Variants in ZKSCAN1 observed in about 807,000 individuals in gnomAD.
ZKSCAN1 encodes zinc finger with KRAB and SCAN domains 1, also known as zinc finger protein with KRAB and SCAN domains 1.
A neutral mutation model predicts 51.6 loss-of-function variants in ZKSCAN1; 14 were observed. That is an observed-to-expected ratio of 0.27 (90% CI 0.18 to 0.42). The LOEUF (loss-of-function observed/expected upper bound fraction) is 0.42, where lower values mean the gene tolerates loss of function less well. Among genes scored for constraint, ZKSCAN1 ranks in the 10% least tolerant of loss-of-function variants. The pLI is 1.00. For missense variants in ZKSCAN1, 531 were observed against 710.0 expected, an observed-to-expected ratio of 0.75 and a Z score of 2.86; for synonymous variants, 263 against 261.5, an observed-to-expected ratio of 1.01 and a Z score of -0.06.
At chr7:100,026,290 G>A (rs904232906) in intron 3 of ZKSCAN1, among the ~76,000 whole-genome samples, 1 of 150,460 alleles carries the variant, frequency 6.6e-6, no homozygotes, top group Middle Eastern at 3.4e-3. Context: ...CATGACTGGA[G>A]CTTGCAGGAC....
rs1419457385 is a variant in ZKSCAN1, at chr7:100,039,137, G to A, written c.*4940G>A. The stretch of plus-strand genomic sequence containing the variant: ...GACCAGCCTGGCCAACGTGGTGAAA[G>A]CCTGTCTCTACTAAAAATACAAAAA... On this transcript the variant is annotated 3_prime_UTR_variant, in exon 6 of 6. Coordinates refer to ENST00000324306, the MANE Select transcript of ZKSCAN1 (RefSeq NM_003439.4). 1 of 173,770 alleles carries A rather than the reference G, an allele frequency of 5.8e-6. No homozygotes were observed. Among genetic ancestry groups the A allele is most frequent in the Admixed American group, 7.0e-5 (1 of 14,224 alleles). 10.8% of individuals were successfully genotyped at this position (173,770 alleles called of 1,614,324 possible). A position where few individuals can be genotyped will look rare whatever the true frequency, so the allele number is the denominator to read the frequency against.
chr7:100,032,305 A>G (rs956096583), intron 5 of ZKSCAN1, among the ~76,000 whole-genome samples: 2 of 152,196 alleles, frequency 1.3e-5, no homozygotes, highest in African/African-American at 4.8e-5. Flanking sequence ...GTGATCCAGT[A>G]GTAGACCTGT....
In ZKSCAN1 at chr7:100,029,983, C is replaced by T. The variant is rs753195647; in HGVS notation, c.672+31C>T. Reference sequence around the variant, plus strand: ...CTGTGGCCCCTCTGCTCTCCTGAGTCCTCAGTGTCTGCCTCTGTTCCTGAG... The same window carrying T: ...CTGTGGCCCCTCTGCTCTCCTGAGTTCTCAGTGTCTGCCTCTGTTCCTGAG... On this transcript the variant is annotated intron_variant, in intron 4 of 5. Transcript: ENST00000324306. The T allele has an allele frequency of 7.1e-5, 114 of 1,607,444 alleles. No individual in the cohort carries two copies. The South Asian group carries it at 9.7e-4, about 14-fold the overall frequency.
At position 100,036,085 on chromosome 7, in the gene ZKSCAN1, C is replaced by T; in HGVS notation, c.*1888C>T. The T allele has an allele frequency of 2.0e-6, 2 of 985,388 alleles. No individual in the cohort carries two copies. Among genetic ancestry groups the T allele is most frequent in the Non-Finnish European group, 1.2e-6 (1 of 829,936 alleles). 61.0% of individuals were successfully genotyped at this position (985,388 alleles called of 1,614,324 possible). On this transcript the variant is annotated 3_prime_UTR_variant, in exon 6 of 6. Coordinates refer to ENST00000324306, the MANE Select transcript of ZKSCAN1 (RefSeq NM_003439.4). ...TGATCAGCAGCTAAAGTCCATGAGACCAAATGGTTTTATATGGAACCAACG... is the reference window on the plus strand; with the variant it reads ...TGATCAGCAGCTAAAGTCCATGAGATCAAATGGTTTTATATGGAACCAACG...
At chr7:100,030,890 T>C (rs1791077441) in intron 5 of ZKSCAN1, among the ~76,000 whole-genome samples, 1 of 152,226 alleles carries the variant, frequency 6.6e-6, no homozygotes, top group Non-Finnish European at 1.5e-5. Context: ...TCCACGAACT[T>C]GCACCTGGAC....
In ZKSCAN1 at chr7:100,038,316, A is replaced by G; in HGVS notation, c.*4119A>G. Reference sequence around the variant, plus strand: ...TGAAGTTTCAGAGCAAACAGTGAAGAAATCAGTGTGATTGTAGACAAAAAG... The same window carrying G: ...TGAAGTTTCAGAGCAAACAGTGAAGGAATCAGTGTGATTGTAGACAAAAAG... On this transcript the variant is annotated 3_prime_UTR_variant, in exon 6 of 6. Transcript: ENST00000324306. 1 of 985,492 alleles carries G rather than the reference A, an allele frequency of 1.0e-6. No individual in the cohort carries two copies. 61.0% of individuals were successfully genotyped at this position (985,492 alleles called of 1,614,324 possible).
In ZKSCAN1 at chr7:100,023,678, C is replaced by T; in HGVS notation, c.172C>T (p.Arg58Cys). 6.2e-7 allele frequency: 1 copy of T among 1,614,188 alleles called. No individual in the cohort carries two copies. The highest frequency in any genetic ancestry group is 8.5e-7 in the Non-Finnish European group (1 of 1,180,040). Residue 58 changes from arginine to cysteine, a missense_variant, in exon 2 of 6, where the codon CGC becomes TGC. Coordinates refer to ENST00000324306, the MANE Select transcript of ZKSCAN1 (RefSeq NM_003439.4). Reference sequence around the variant, plus strand: ...TCCAGACCCAGAGATATTCCGCCAACGCTTCAGGCGCTTCTGTTACCAGAA... The same window carrying T: ...TCCAGACCCAGAGATATTCCGCCAATGCTTCAGGCGCTTCTGTTACCAGAA... ...PPPDPEIFRQ[R>C]FRRFCYQNTF...
downstream of ZKSCAN1, among the ~76,000 whole-genome samples, chr7:100,043,529 A>C (rs898841766): frequency 6.8e-6 from 1 of 146,174 alleles, no homozygotes; most frequent in Non-Finnish European, 1.5e-5. Context: ...ATGCATCACT[A>C]CGCCTAGATT....
chr7:100,036,446 G>T lies in ZKSCAN1; in HGVS notation c.*2249G>T. On this transcript the variant is annotated 3_prime_UTR_variant, in exon 6 of 6. Transcript: ENST00000324306. Reference sequence around the variant, plus strand: ...TAGAAAGCAACTGAGGCCAGGTGCGGTGGCTCACGCCTGTAATCCCAGCAC... The same window carrying T: ...TAGAAAGCAACTGAGGCCAGGTGCGTTGGCTCACGCCTGTAATCCCAGCAC... 1.0e-6 allele frequency: 1 copy of T among 985,416 alleles called. No homozygotes were observed. The highest frequency in any genetic ancestry group is 1.2e-6 in the Non-Finnish European group (1 of 829,926). 61.0% of individuals were successfully genotyped at this position (985,416 alleles called of 1,614,324 possible).
chr7:100,023,687 C>T lies in ZKSCAN1; in HGVS notation c.181C>T (p.Arg61Cys), dbSNP rs1425079153. ...DPEIFRQRFR[R>C]FCYQNTFGPR... ...AGAGATATTCCGCCAACGCTTCAGGCGCTTCTGTTACCAGAACACTTTTGG... is the reference window on the plus strand; with the variant it reads ...AGAGATATTCCGCCAACGCTTCAGGTGCTTCTGTTACCAGAACACTTTTGG... Residue 61 changes from arginine to cysteine, a missense_variant, in exon 2 of 6, where the codon CGC becomes TGC. Arg to Cys is a radical substitution (Grantham distance 180). Transcript: ENST00000324306. The T allele has an allele frequency of 3.1e-6, 5 of 1,614,074 alleles. No homozygotes were observed. In the East Asian group the frequency reaches 6.7e-5, roughly 22 times the overall value.
intron 3 of ZKSCAN1, among the ~76,000 whole-genome samples, chr7:100,026,660 G>C (rs1420954122): frequency 6.6e-6 from 1 of 151,954 alleles, no homozygotes; most frequent in African/African-American, 2.4e-5. Flanking sequence ...TGTAGGCAGA[G>C]GTTGTGGTGA....
At chr7:100,043,805 C>T (rs1791657819), downstream of ZKSCAN1, among the ~76,000 whole-genome samples, 1 of 95,182 alleles carries the variant, frequency 1.1e-5, no homozygotes, top group Admixed American at 1.7e-4. Context: ...TTTTTGGAGA[C>T]AGAATCTCTC....
intron 3 of ZKSCAN1, among the ~76,000 whole-genome samples, chr7:100,026,049 C>T (rs576807720): frequency 4.6e-5 from 7 of 152,008 alleles, no homozygotes; most frequent in African/African-American, 1.4e-4. Context: ...GGAGAAACCC[C>T]GTCTTTACTA....
rs897102596 is a variant in ZKSCAN1, at chr7:100,033,241, G to T, written c.800-64G>T. 2.0e-6 allele frequency: 3 copies of T among 1,497,452 alleles called. No homozygotes were observed. The highest frequency in any genetic ancestry group is 2.6e-5 in the Admixed American group (1 of 38,008). The allele number at this position is 1,497,452 out of a possible 1,614,324, so 92.8% of individuals were successfully genotyped here. On this transcript the variant is annotated intron_variant, in intron 5 of 5. Transcript: ENST00000324306. This position sits in a 1 kb window ranked among gnomAD's most constrained non-coding sequence, Gnocchi z 4.1. ...TGTAGAAGCTTCTCGGGAAACTGTC[G>T]CTTGACCCACCTGTATATTCAAAAG...
chr7:100,044,929 T>G (rs926373189), downstream of ZKSCAN1: 12 of 985,116 alleles, frequency 1.2e-5, no homozygotes, highest in African/African-American at 1.7e-5. Flanking sequence ...GCTGGCCAGC[T>G]GATGGCAGCA....
intron 3 of ZKSCAN1, among the ~76,000 whole-genome samples, chr7:100,027,062 G>A (rs917175688): frequency 2.0e-5 from 3 of 152,082 alleles, no homozygotes; most frequent in African/African-American, 4.8e-5. Flanking sequence ...TTTGGGAGGC[G>A]AAGGTGGGCA....
At chr7:100,022,813 G>A (rs542758065) in intron 1 of ZKSCAN1, among the ~76,000 whole-genome samples, 1 of 152,236 alleles carries the variant, frequency 6.6e-6, no homozygotes, top group East Asian at 1.9e-4. Context: ...CTGGCACCTG[G>A]CACTCTGCTA....
downstream of ZKSCAN1, chr7:100,045,031 G>A (rs1226610776): frequency 1.0e-6 from 1 of 957,422 alleles, no homozygotes; most frequent in Non-Finnish European, 1.2e-6. Flanking sequence ...TGGAAGGAAG[G>A]TGCCAGAGAC....
chr7:100,044,295 C>A (rs1407671820), downstream of ZKSCAN1, among the ~76,000 whole-genome samples: 1 of 152,196 alleles, frequency 6.6e-6, no homozygotes, highest in Non-Finnish European at 1.5e-5. Flanking sequence ...TCTCTCTCCC[C>A]TCACTGCAAG....
Sources: allele counts gnomAD v4.1 joint callset (sites outside exome capture counted in the v4.1 genomes callset), GRCh38; gene constraint gnomAD v4.1.1; non-coding constraint Gnocchi (gnomAD v3.1); transcripts MANE v1.5; gene names NCBI Gene and HGNC (gene_info 2026-07-23, HGNC 2026-07-21).